MEI4: variants seen among roughly 807,000 people sequenced by gnomAD.
MEI4 encodes the protein meiotic double-stranded break formation protein 4, also known as meiosis-specific protein MEI4.
A neutral mutation model predicts 31.4 loss-of-function variants in MEI4; 27 were observed. That is an observed-to-expected ratio of 0.86 (90% CI 0.63 to 1.19). The LOEUF (loss-of-function observed/expected upper bound fraction) is 1.19. Ranked by LOEUF, MEI4 falls within the 50% of genes most tolerant of loss-of-function variation. The probability of loss-of-function intolerance (pLI) is 0.00; values close to 1 mark genes in which losing one functional copy is unlikely to be tolerated. For synonymous variants in MEI4, 122 were observed against 145.4 expected (o/e 0.84, Z 1.16); for missense variants, 329 against 398.9 (o/e 0.82, Z 1.49).
intron 3 of MEI4, among the ~76,000 whole-genome samples, chr6:77,777,072 A>G (rs529255099): frequency 3.2e-4 from 48 of 152,320 alleles, no homozygotes; most frequent in Middle Eastern, 6.8e-3. Context: ...CTTTTGCATT[A>G]AAGTTAGTAT....
At chr6:77,757,278 A>G (rs1424080174) in intron 2 of MEI4, among the ~76,000 whole-genome samples, 1 of 152,212 alleles carries the variant, frequency 6.6e-6, no homozygotes, top group Non-Finnish European at 1.5e-5. Context: ...ATTGGGAGCC[A>G]TATTGTGTAA....
chr6:77,851,276 C>T (rs1220574635), intron 4 of MEI4, among the ~76,000 whole-genome samples: 1 of 152,088 alleles, frequency 6.6e-6, no homozygotes. Flanking sequence ...CCAGCCATCC[C>T]ATTACTGGGT....
chr6:77,658,511 G>A (rs1221838158), intron 1 of MEI4, among the ~76,000 whole-genome samples: 1 of 152,048 alleles, frequency 6.6e-6, no homozygotes, highest in African/African-American at 2.4e-5. Context: ...TTGAAGTGTT[G>A]GGGCGGTGAA....
intron 3 of MEI4, among the ~76,000 whole-genome samples, chr6:77,801,374 CTG>C (rs1447452559): frequency 3.9e-5 from 6 of 152,080 alleles, no homozygotes; most frequent in Admixed American, 3.3e-4. Flanking sequence ...CTATTCTTCT[CTG>C]TTTTCTTCTT....
At chr6:77,780,540 T>C (rs978375901) in intron 3 of MEI4, among the ~76,000 whole-genome samples, 3 of 152,184 alleles carry the variant, frequency 2.0e-5, no homozygotes, top group African/African-American at 7.2e-5. Flanking sequence ...AGCCTGGGTC[T>C]GCAGGTCAGA....
intron 3 of MEI4, among the ~76,000 whole-genome samples, chr6:77,793,304 C>CCTT (rs1264922183): frequency 6.6e-6 from 1 of 152,154 alleles, no homozygotes; most frequent in Non-Finnish European, 1.5e-5. Context: ...GCAAAGCTGT[C>CCTT]CTTCATAAAT....
At chr6:77,797,341 G>T (rs769696849) in intron 3 of MEI4, among the ~76,000 whole-genome samples, 2 of 152,152 alleles carry the variant, frequency 1.3e-5, no homozygotes, top group African/African-American at 4.8e-5. Flanking sequence ...AAGTGGGACT[G>T]CATCAACCTA....
intron 3 of MEI4, among the ~76,000 whole-genome samples, chr6:77,811,540 G>A (rs1198494686): frequency 6.6e-6 from 1 of 152,094 alleles, no homozygotes; most frequent in Non-Finnish European, 1.5e-5. Context: ...CACTTTGGGA[G>A]GCTGAGGCAG....
At chr6:77,651,656 A>T (rs1181674839), upstream of MEI4, among the ~76,000 whole-genome samples, 3 of 152,178 alleles carry the variant, frequency 2.0e-5, no homozygotes, top group Admixed American at 6.5e-5. Context: ...GCTATCCATT[A>T]TTCTATTTAT....
intron 1 of MEI4, among the ~76,000 whole-genome samples, chr6:77,682,977 G>T (rs1394785434): frequency 1.3e-5 from 2 of 152,180 alleles, no homozygotes; most frequent in African/African-American, 4.8e-5. Flanking sequence ...CATGGACGAT[G>T]TTTCCTCAAT....
intron 3 of MEI4, among the ~76,000 whole-genome samples, chr6:77,797,729 A>G (rs985559433): frequency 7.2e-5 from 11 of 152,176 alleles, no homozygotes; most frequent in African/African-American, 2.7e-4. Context: ...AAGCCAGCTT[A>G]TCCCATCTTC....
At chr6:77,670,509 G>T (rs1768718019) in intron 1 of MEI4, among the ~76,000 whole-genome samples, 1 of 152,052 alleles carries the variant, frequency 6.6e-6, no homozygotes, top group Non-Finnish European at 1.5e-5. Flanking sequence ...ATCTTCATCT[G>T]TAATAGGGAC....
intron 2 of MEI4, among the ~76,000 whole-genome samples, chr6:77,694,600 T>G (rs1468993918): frequency 5.3e-5 from 8 of 152,274 alleles, no homozygotes; most frequent in African/African-American, 1.9e-4. Context: ...ACTCATCATT[T>G]TTTATGGCTG....
intron 3 of MEI4, among the ~76,000 whole-genome samples, chr6:77,812,442 G>C (rs1419313690): frequency 6.6e-6 from 1 of 152,112 alleles, no homozygotes; most frequent in African/African-American, 2.4e-5. Context: ...AAAAGGTTAG[G>C]AGGGTAGAAG....
intron 2 of MEI4, among the ~76,000 whole-genome samples, chr6:77,705,314 C>G (rs1181410962): frequency 1.3e-5 from 2 of 152,124 alleles, no homozygotes; most frequent in Non-Finnish European, 2.9e-5. Flanking sequence ...ACTATTATAT[C>G]AATCCATAGA....
intron 4 of MEI4, among the ~76,000 whole-genome samples, chr6:77,862,796 C>T (rs1044344272): frequency 2.0e-4 from 30 of 152,190 alleles, no homozygotes; most frequent in African/African-American, 7.2e-4. Context: ...GTCCCTGACC[C>T]CCAAGTAGCC....
rs1270491513 is a variant in MEI4, at chr6:77,925,516, A to C, written c.*2170A>C. On this transcript the variant is annotated 3_prime_UTR_variant, in exon 5 of 5. Transcript: ENST00000684080. Reference sequence around the variant, plus strand: ...GTTTCAGTAAAGCAGTGAATTAATGAATGATTTAAACTGGTATTACAATGT... The same window carrying C: ...GTTTCAGTAAAGCAGTGAATTAATGCATGATTTAAACTGGTATTACAATGT... 2.0e-5 allele frequency: 3 copies of C among 151,784 alleles called. No individual in the cohort carries two copies. The East Asian group carries it at 5.8e-4, about 29-fold the overall frequency. 9.4% of individuals were successfully genotyped at this position (151,784 alleles called of 1,614,324 possible).
chr6:77,918,775 A>C (rs1343988074), intron 4 of MEI4, among the ~76,000 whole-genome samples: 3 of 151,716 alleles, frequency 2.0e-5, no homozygotes, highest in Non-Finnish European at 4.4e-5. Flanking sequence ...TCTCCTGCCT[A>C]ATTGCCCTGG....
intron 3 of MEI4, among the ~76,000 whole-genome samples, chr6:77,772,669 G>A (rs1317829334): frequency 6.6e-6 from 1 of 151,880 alleles, no homozygotes; most frequent in East Asian, 1.9e-4. Context: ...AAGACAACAA[G>A]GATATGCACT....
Sources: allele counts gnomAD v4.1 joint callset (sites outside exome capture counted in the v4.1 genomes callset), GRCh38; gene constraint gnomAD v4.1.1; transcripts MANE v1.5; gene names NCBI Gene and HGNC (gene_info 2026-07-23, HGNC 2026-07-21).